Variants in MAPK8IP1 observed in about 807,000 individuals in gnomAD.
MAPK8IP1 encodes mitogen-activated protein kinase 8 interacting protein 1.
MAPK8IP1 carries 17 observed loss-of-function variants against 72.6 expected under a neutral mutation model. That is an observed-to-expected ratio of 0.23 (90% CI 0.16 to 0.35). MAPK8IP1 has a LOEUF of 0.35. Ranked by LOEUF, MAPK8IP1 falls within the 10% of genes least tolerant of loss-of-function variation. The pLI is 1.00. For missense variants in MAPK8IP1, 789 were observed against 1,009.7 expected (o/e 0.78, Z 2.96); for synonymous variants, 401 against 443.4 (o/e 0.90, Z 1.20).
intron 1 of MAPK8IP1, chr11:45,896,834 G>T (rs1164260525): frequency 1.2e-5 from 18 of 1,547,614 alleles, no homozygotes; most frequent in Non-Finnish European, 1.6e-5. Flanking sequence ...GGGCATGAGA[G>T]GGCAGCCCTG....
intron 1 of MAPK8IP1, among the ~76,000 whole-genome samples, chr11:45,888,598 C>T (rs1442792693): frequency 1.3e-5 from 2 of 152,018 alleles, no homozygotes; most frequent in Admixed American, 1.3e-4. Flanking sequence ...AGGTTAAATA[C>T]GTGTTAATTT....
chr11:45,903,969 C>A lies in MAPK8IP1; in HGVS notation c.1494-20C>A, dbSNP rs1413054969. ...ACAGGCCTTGGTGCCGAATTTCTCA[C>A]CTGTCCTTGCTGGGGACAGGTTTGT... On this transcript the variant is annotated intron_variant, in intron 6 of 11. Transcript: ENST00000241014. This position sits in a 1 kb window ranked among gnomAD's most constrained non-coding sequence, Gnocchi z 6.4. The A allele has an allele frequency of 3.7e-6, 6 of 1,612,136 alleles. No individual in the cohort carries two copies. In the Admixed American group the frequency reaches 1.0e-4, roughly 27 times the overall value.
In MAPK8IP1 at chr11:45,885,727, C is replaced by T. The variant is rs1449419106; in HGVS notation, c.-94C>T. 4.8e-6 allele frequency: 3 copies of T among 624,300 alleles called. No individual in the cohort carries two copies. The highest frequency in any genetic ancestry group is 3.9e-5 in the African/African-American group (2 of 51,328). 38.7% of individuals were successfully genotyped at this position (624,300 alleles called of 1,614,324 possible). A position where few individuals can be genotyped will look rare whatever the true frequency, so the allele number is the denominator to read the frequency against. ...CGCCCGCCTAGCCCGAACTCCGCGG[C>T]GGCGGCTGCCCTCTCGCCGCGCCTC... On this transcript the variant is annotated 5_prime_UTR_variant, in exon 1 of 12. Transcript: ENST00000241014.
intron 1 of MAPK8IP1, among the ~76,000 whole-genome samples, chr11:45,895,633 AATATATAT>A (rs71038870): frequency 4.0e-4 from 17 of 42,516 alleles, no homozygotes; most frequent in African/African-American, 5.7e-4. Context: ...AAAAAAAAAA[AATATATAT>A]ATATATATAT....
chr11:45,899,070 A>G (rs906733815), intron 2 of MAPK8IP1, among the ~76,000 whole-genome samples: 1 of 151,886 alleles, frequency 6.6e-6, no homozygotes, highest in African/African-American at 2.4e-5. Context: ...ACCTCCTGCT[A>G]CTCCCAGAGA....
In MAPK8IP1 at chr11:45,885,751, T is replaced by TCCGCCTCCTTCGCAGCCG. The variant is rs960271152; in HGVS notation, c.-60_-43dup. 25 of 924,416 alleles carry TCCGCCTCCTTCGCAGCCG rather than the reference T, an allele frequency of 2.7e-5. No individual in the cohort carries two copies. Among genetic ancestry groups the TCCGCCTCCTTCGCAGCCG allele is most frequent in the South Asian group, 2.6e-5 (1 of 37,898 alleles). The allele number at this position is 924,416 out of a possible 1,614,324, so 57.3% of individuals were successfully genotyped here. ...GCGGCGGCTGCCCTCTCGCCGCGCC[T>TCCGCCTCCTTCGCAGCCG]CCGCCTCCTTCGCAGCCGCCGCCTC... On this transcript the variant is annotated 5_prime_UTR_variant, in exon 1 of 12. Transcript: ENST00000241014.
intron 1 of MAPK8IP1, among the ~76,000 whole-genome samples, chr11:45,895,771 CCTT>C (rs2086600561): frequency 6.6e-6 from 1 of 151,976 alleles, no homozygotes; most frequent in Admixed American, 6.5e-5. Context: ...GCACCACTGG[CCTT>C]CTCGGTGACC....
chr11:45,896,602 A>G, intron 1 of MAPK8IP1: 1 of 1,317,858 alleles, frequency 7.6e-7, no homozygotes, highest in Non-Finnish European at 9.7e-7. Flanking sequence ...CAGCAGCGCA[A>G]GGGCCAGGCC....
chr11:45,892,526 T>C (rs1024037645), intron 1 of MAPK8IP1, among the ~76,000 whole-genome samples: 5 of 152,138 alleles, frequency 3.3e-5, no homozygotes, highest in Non-Finnish European at 2.9e-5. Context: ...ATTACAGTGA[T>C]ACGGAACCAC....
In MAPK8IP1 at chr11:45,903,209, G is replaced by A. The variant is rs1200355841; in HGVS notation, c.1417+25G>A. The A allele has an allele frequency of 6.3e-7, 1 of 1,594,852 alleles. No individual in the cohort carries two copies. Among genetic ancestry groups the A allele is most frequent in the East Asian group, 2.2e-5 (1 of 44,664 alleles). On this transcript the variant is annotated intron_variant, in intron 5 of 11. Transcript: ENST00000241014. This position sits in a 1 kb window ranked among gnomAD's most constrained non-coding sequence, Gnocchi z 6.4. The stretch of plus-strand genomic sequence containing the variant: ...AGTGAGTCAGCAAGGGGAAGCAGTG[G>A]GGTGGGGGGGTCCCTAGCGGGGGCA...
chr11:45,902,877 C>A lies in MAPK8IP1; in HGVS notation c.1110C>A (p.Asp370Glu). Residue 370 changes from aspartate (D) to glutamate (E), a missense_variant, in exon 5 of 12, where the codon GAC becomes GAA. Physicochemically the swap from Asp to Glu is conservative, Grantham distance 45. Transcript: ENST00000241014. This position sits in a 1 kb window ranked among gnomAD's most constrained non-coding sequence, Gnocchi z 9.3. ...PPPPRASLSS[D>E]TSALSYDSVK... ...CTCCACGGGCCTCTCTGAGCTCGGA[C>A]ACCAGCGCCCTGTCCTATGACTCTG... 6.3e-7 allele frequency: 1 copy of A among 1,598,518 alleles called. No homozygotes were observed. Among genetic ancestry groups the A allele is most frequent in the Non-Finnish European group, 8.5e-7 (1 of 1,172,878 alleles).
chr11:45,885,935 G>A lies in MAPK8IP1; in HGVS notation c.101+14G>A. 3 of 1,457,000 alleles carry A rather than the reference G, an allele frequency of 2.1e-6. No individual in the cohort carries two copies. The highest frequency in any genetic ancestry group is 2.4e-5 in the Admixed American group (1 of 42,066). 90.3% of individuals were successfully genotyped at this position (1,457,000 alleles called of 1,614,324 possible). On this transcript the variant is annotated intron_variant, in intron 1 of 11. Transcript: ENST00000241014. ...TCCCAATTTCAGGTGAGAGTCCCCG[G>A]CCGCCGCGCGCCTCGCCCTTCAGCG...
chr11:45,905,794 G>A lies in MAPK8IP1; in HGVS notation c.*73G>A. ...GGACAGCTGGCTGCTGACAGGATGT[G>A]GCACTGCTTGAGGAGGGGCACCTGC... On this transcript the variant is annotated 3_prime_UTR_variant, in exon 12 of 12. Transcript: ENST00000241014. 6.8e-7 allele frequency: 1 copy of A among 1,461,222 alleles called. No individual in the cohort carries two copies. The highest frequency in any genetic ancestry group is 9.6e-7 in the Non-Finnish European group (1 of 1,047,048). The allele number at this position is 1,461,222 out of a possible 1,614,324, so 90.5% of individuals were successfully genotyped here.
chr11:45,890,260 G>A (rs1274278787), intron 1 of MAPK8IP1, among the ~76,000 whole-genome samples: 1 of 152,192 alleles, frequency 6.6e-6, no homozygotes, highest in African/African-American at 2.4e-5. Context: ...AGGGGGTTAG[G>A]AAAGGAATGA....
In MAPK8IP1 at chr11:45,904,894, T is replaced by G. The variant is rs2271847; in HGVS notation, c.1893+60T>G. On this transcript the variant is annotated intron_variant, in intron 9 of 11. Transcript: ENST00000241014. This position sits in a 1 kb window ranked among gnomAD's most constrained non-coding sequence, Gnocchi z 6.4. Reference sequence around the variant, plus strand: ...GCCCCAAGCTCTCCCCCAAGACTTGTGATGAAGAGGCCATCTCCTGTCACC... The same window carrying G: ...GCCCCAAGCTCTCCCCCAAGACTTGGGATGAAGAGGCCATCTCCTGTCACC... 6.2e-7 allele frequency: 1 copy of G among 1,605,394 alleles called. No homozygotes were observed. Among genetic ancestry groups the G allele is most frequent in the Non-Finnish European group, 8.5e-7 (1 of 1,172,364 alleles).
At position 45,902,718 on chromosome 11, in the gene MAPK8IP1, C is replaced by T. The variant is rs545753780; in HGVS notation, c.951C>T (p.Ala317=). 10 of 1,608,840 alleles carry T rather than the reference C, an allele frequency of 6.2e-6. No individual in the cohort carries two copies. The East Asian group carries it at 2.2e-4, about 36-fold the overall frequency. The stretch of plus-strand genomic sequence containing the variant: ...TCAGCTCCGATCCAGACCCTGCCGC[C>T]TACCCCTCCACGGCAGGGCGGCCGC... ...MSVSSDPDPA[A]YPSTAGRPHP... is the part of the protein sequence containing the mutation. Residue 317 remains alanine (A), a synonymous_variant, in exon 5 of 12, where the codon GCC becomes GCT. Transcript: ENST00000241014. The surrounding 1 kb of genome is among the most constrained non-coding windows in gnomAD (Gnocchi z 9.3).
At chr11:45,901,438 A>G (rs1467817499) in intron 3 of MAPK8IP1, among the ~76,000 whole-genome samples, 3 of 152,036 alleles carry the variant, frequency 2.0e-5, no homozygotes, top group Non-Finnish European at 4.4e-5. Flanking sequence ...CACTGGGATG[A>G]TTCATCCTGG....
In MAPK8IP1 at chr11:45,902,961, G is replaced by A. The variant is rs200931067; in HGVS notation, c.1194G>A (p.Pro398=). The change falls in exon 5 of 12, where the codon CCG becomes CCA. Residue 398 remains proline, a synonymous_variant. Transcript: ENST00000241014. This position sits in a 1 kb window ranked among gnomAD's most constrained non-coding sequence, Gnocchi z 9.3. ...AGCTGGAGCTGGTGAGCCTGCGGCC[G>A]TGCTTCGGAGACTACAGTGACGAGA... ...HAQLELVSLR[P]CFGDYSDESD... 89 of 1,611,846 alleles carry A rather than the reference G, an allele frequency of 5.5e-5. No homozygotes were observed. The Middle Eastern group carries it at 1.6e-3, about 30-fold the overall frequency.
Position 45,900,456 on chromosome 11 carries a change from AGGCGCCAACGTGGGGGGC to A in MAPK8IP1, c.522+11_522+28del, listed in dbSNP as rs777889580. On this transcript the variant is annotated splice_donor_5th_base_variant and intron_variant, in intron 3 of 11. Coordinates refer to ENST00000241014, the MANE Select transcript of MAPK8IP1 (RefSeq NM_005456.4). This position sits in a 1 kb window ranked among gnomAD's most constrained non-coding sequence, Gnocchi z 6.5. ...TCCGCAGGTGCCGCGGTCTCAGGTG[AGGCGCCAACGTGGGGGGC>A]GGCGCCCTGGGCCGCCGCGGAGATG... 14 of 1,531,310 alleles carry A rather than the reference AGGCGCCAACGTGGGGGGC, an allele frequency of 9.1e-6. No homozygotes were observed. The South Asian group carries it at 1.7e-4, about 18-fold the overall frequency. 94.9% of individuals were successfully genotyped at this position (1,531,310 alleles called of 1,614,324 possible).
Sources: allele counts gnomAD v4.1 joint callset (sites outside exome capture counted in the v4.1 genomes callset), GRCh38; gene constraint gnomAD v4.1.1; non-coding constraint Gnocchi (gnomAD v3.1); transcripts MANE v1.5; gene names NCBI Gene and HGNC (gene_info 2026-07-23, HGNC 2026-07-21).